LRRC4B: variants seen among roughly 807,000 people sequenced by gnomAD.
LRRC4B encodes the protein leucine rich repeat containing 4B, also known as leucine-rich repeat-containing protein 4B.
A neutral mutation model predicts 7.3 loss-of-function variants in LRRC4B; 1 was observed. That is an observed-to-expected ratio of 0.14 (90% CI 0.05 to 0.65). The LOEUF (loss-of-function observed/expected upper bound fraction) is 0.65, where lower values mean the gene tolerates loss of function less well. Among genes scored for constraint, LRRC4B ranks in the 30% least tolerant of loss-of-function variants. The probability of loss-of-function intolerance (pLI) is 0.84; values close to 1 mark genes in which losing one functional copy is unlikely to be tolerated. For synonymous variants in LRRC4B, 500 were observed against 499.2 expected, an observed-to-expected ratio of 1.00 and a Z score of -0.02; for missense variants, 730 against 1,041.6, an observed-to-expected ratio of 0.70 and a Z score of 4.12.
At chr19:50,559,537 G>A (rs980919336) in intron 1 of LRRC4B, among the ~76,000 whole-genome samples, 3 of 152,250 alleles carry the variant, frequency 2.0e-5, no homozygotes, top group Non-Finnish European at 2.9e-5. Flanking sequence ...CCCCAGAAGA[G>A]AACTGGGCCC....
Position 50,517,753 on chromosome 19 carries a change from C to A in LRRC4B, c.1960G>T (p.Ala654Ser). Residue 654 changes from alanine (A) to serine (S), a missense_variant, in exon 3 of 3, where the codon GCC becomes TCC. This residue lies in a region of LRRC4B where 160 missense variants were observed against 163.9 expected (regional missense o/e 0.98). Transcript: ENST00000652263. The surrounding 1 kb of genome is among the most constrained non-coding windows in gnomAD (Gnocchi z 6.6). Reference sequence around the variant, plus strand: ...TGGTTGAGGTGGTCTCGCTCCAGGGCGGGCAGGGCCAGGTGGCTGTCCCCG... The same window carrying A: ...TGGTTGAGGTGGTCTCGCTCCAGGGAGGGCAGGGCCAGGTGGCTGTCCCCG... ...VGGDSHLALP[A>S]LERDHLNHHH... 1 of 1,524,556 alleles carries A rather than the reference C, an allele frequency of 6.6e-7. No individual in the cohort carries two copies. The allele number at this position is 1,524,556 out of a possible 1,614,324, so 94.4% of individuals were successfully genotyped here.
chr19:50,529,016 C>T (rs1205788905), intron 2 of LRRC4B, among the ~76,000 whole-genome samples: 2 of 152,156 alleles, frequency 1.3e-5, no homozygotes, highest in Non-Finnish European at 2.9e-5. Context: ...TTGAGAATGT[C>T]TCTGGCCTGA....
rs1303078428 is a variant in LRRC4B at position 50,537,385 on chromosome 19, CT to C, written c.297+11156del. 6.6e-6 allele frequency among the ~76,000 whole-genome samples: 1 copy of C among 152,184 alleles called. No homozygotes were observed. The highest frequency in any genetic ancestry group is 1.9e-4 in the East Asian group (1 of 5,186). ...GCTTGGAGCAATGCTGGGGGCCCGA[CT>C]GACATTCTCCCGCCCACCCTCGCTG... On this transcript the variant is annotated intron_variant, in intron 2 of 2. Transcript: ENST00000652263. The surrounding 1 kb of genome is among the most constrained non-coding windows in gnomAD (Gnocchi z 5.5).
chr19:50,545,126 G>C (rs1246991150), intron 2 of LRRC4B, among the ~76,000 whole-genome samples: 4 of 143,468 alleles, frequency 2.8e-5, no homozygotes, highest in African/African-American at 7.8e-5. Flanking sequence ...AAAAAAAAAA[G>C]GTCAGGCTTG....
At chr19:50,543,574 G>C (rs956969156) in intron 2 of LRRC4B, among the ~76,000 whole-genome samples, 3 of 151,990 alleles carry the variant, frequency 2.0e-5, no homozygotes, top group Non-Finnish European at 4.4e-5. Context: ...TAAGGAGGCC[G>C]GGCGCGGTGG....
At chr19:50,534,980 TGCCTCA>T (rs1471459908) in intron 2 of LRRC4B, among the ~76,000 whole-genome samples, 2 of 151,502 alleles carry the variant, frequency 1.3e-5, no homozygotes, top group African/African-American at 2.4e-5. Context: ...GTGATTCTCC[TGCCTCA>T]GCCTCCCGAG....
chr19:50,548,876 G>A lies in LRRC4B; in HGVS notation c.-35-3C>T. ...TGCTCCGCGTGGACGCTGGGGGGCT[G>A]TGGGTGGGGGAGAGAAGGGGGAGAG... On this transcript the variant is annotated splice_region_variant and splice_polypyrimidine_tract_variant and intron_variant, in intron 1 of 2. Coordinates refer to ENST00000652263, the MANE Select transcript of LRRC4B (RefSeq NM_001080457.2). This position sits in a 1 kb window ranked among gnomAD's most constrained non-coding sequence, Gnocchi z 6.8. 1 of 1,372,668 alleles carries A rather than the reference G, an allele frequency of 7.3e-7. No individual in the cohort carries two copies. The highest frequency in any genetic ancestry group is 9.6e-7 in the Non-Finnish European group (1 of 1,041,636). 85.0% of individuals were successfully genotyped at this position (1,372,668 alleles called of 1,614,324 possible). A position where few individuals can be genotyped will look rare whatever the true frequency, so the allele number is the denominator to read the frequency against.
intron 2 of LRRC4B, among the ~76,000 whole-genome samples, chr19:50,543,707 G>A (rs1203091020): frequency 2.6e-5 from 4 of 151,416 alleles, no homozygotes; most frequent in African/African-American, 7.3e-5. Context: ...ACAAAAATTA[G>A]CTGAGTGTCG....
intron 1 of LRRC4B, among the ~76,000 whole-genome samples, chr19:50,566,136 G>C (rs1982620524): frequency 6.7e-6 from 1 of 148,860 alleles, no homozygotes; most frequent in African/African-American, 2.5e-5. Context: ...AGGTTAGAAG[G>C]CGAAGGCTGC....
At position 50,553,941 on chromosome 19, in the gene LRRC4B, G is replaced by A. The variant is rs142228499; in HGVS notation, c.-35-5068C>T. Among the ~76,000 whole-genome samples the A allele has an allele frequency of 4.0e-5, 6 of 150,802 alleles. No homozygotes were observed. The South Asian group carries it at 1.3e-3, about 32-fold the overall frequency. ...CAGGCTCCCAGCCCTGGACACCCTC[G>A]GTCCCCAGGTCCCCTTCCATCCCAG... On this transcript the variant is annotated intron_variant, in intron 1 of 2. Transcript: ENST00000652263. The surrounding 1 kb of genome is among the most constrained non-coding windows in gnomAD (Gnocchi z 4.2).
At chr19:50,562,525 G>C (rs75544761) in intron 1 of LRRC4B, among the ~76,000 whole-genome samples, 1 of 152,192 alleles carries the variant, frequency 6.6e-6, no homozygotes, top group Admixed American at 6.5e-5. Flanking sequence ...TCTCCTCTGC[G>C]TTTACCCCCT....
At chr19:50,524,846 G>A (rs767274769) in intron 2 of LRRC4B, among the ~76,000 whole-genome samples, 2 of 152,290 alleles carry the variant, frequency 1.3e-5, no homozygotes, top group South Asian at 2.1e-4. Flanking sequence ...CGATGCTGGC[G>A]GCTGCCCTGT....
chr19:50,539,546 T>G (rs1460023468), intron 2 of LRRC4B, among the ~76,000 whole-genome samples: 3 of 152,068 alleles, frequency 2.0e-5, no homozygotes, highest in Non-Finnish European at 4.4e-5. Context: ...CTTTCCAGCT[T>G]GCATAGGATT....
chr19:50,533,250 C>A (rs1209248181), intron 2 of LRRC4B, among the ~76,000 whole-genome samples: 1 of 152,102 alleles, frequency 6.6e-6, no homozygotes, highest in Non-Finnish European at 1.5e-5. Flanking sequence ...CTTATTCTTT[C>A]CCCTTTCCTG....
intron 1 of LRRC4B, among the ~76,000 whole-genome samples, chr19:50,551,392 C>G (rs1164685896): frequency 2.0e-5 from 3 of 151,488 alleles, no homozygotes; most frequent in Non-Finnish European, 3.0e-5. Context: ...GGGGGCTGTC[C>G]TTTGGCCACT....
intron 1 of LRRC4B, among the ~76,000 whole-genome samples, chr19:50,552,759 CCCATCCATCCAT>C (rs775317473): frequency 6.6e-6 from 1 of 150,534 alleles, no homozygotes; most frequent in Non-Finnish European, 1.5e-5. Context: ...CATCCATCCA[CCCATCCATCCAT>C]CCATCCATCC....
intron 2 of LRRC4B, among the ~76,000 whole-genome samples, chr19:50,530,928 T>TGGG (rs35771555): frequency 2.5e-4 from 28 of 111,764 alleles, no homozygotes; most frequent in South Asian, 1.6e-3. Flanking sequence ...AGTAGAAACC[T>TGGG]GGGGGGGGGG....
At chr19:50,557,433 C>G (rs1599785754) in intron 1 of LRRC4B, among the ~76,000 whole-genome samples, 1 of 152,316 alleles carries the variant, frequency 6.6e-6, no homozygotes, top group East Asian at 1.9e-4. Context: ...CCTGGCTGTG[C>G]CACTTTGGGC....
intron 1 of LRRC4B, among the ~76,000 whole-genome samples, chr19:50,552,954 C>T (rs1982152627): frequency 6.6e-6 from 1 of 152,250 alleles, no homozygotes; most frequent in Admixed American, 6.5e-5. Flanking sequence ...GCTGCCACTT[C>T]CCGTGTAACC....
Sources: gnomAD v4.1 joint callset for allele counts (sites outside exome capture counted in the v4.1 genomes callset) on GRCh38, gnomAD v4.1.1 for gene constraint, gnomAD v4.1.1 regional missense constraint, Gnocchi (gnomAD v3.1) non-coding constraint, MANE v1.5 for transcripts, NCBI Gene and HGNC (gene_info 2026-07-23, HGNC 2026-07-21) for gene names.